SEC24A: variants seen among roughly 807,000 people sequenced by gnomAD.
SEC24A encodes protein transport protein Sec24A.
SEC24A carries 93 observed loss-of-function variants against 129.4 expected under a neutral mutation model. The ratio of observed to expected loss-of-function variants is 0.72; its 90% CI spans 0.61 to 0.85. The LOEUF is 0.85. Ranked by LOEUF, SEC24A falls within the 40% of genes least tolerant of loss-of-function variation. SEC24A has a pLI of 0.00. For synonymous variants in SEC24A, 460 were observed against 467.3 expected (o/e 0.98, Z 0.20); for missense variants, 1,264 against 1,307.4 (o/e 0.97, Z 0.51).
At chr5:134,677,460 C>T (rs1009045483) in intron 7 of SEC24A, among the ~76,000 whole-genome samples, 10 of 150,420 alleles carry the variant, frequency 6.6e-5, no homozygotes, top group Admixed American at 5.3e-4. Flanking sequence ...ATTTTATTGC[C>T]TGTATTGATT....
intron 6 of SEC24A, 122 bp from the exon 7 acceptor site, chr5:134,675,899 CTA>C (rs1751042427): frequency 9.9e-6 from 6 of 607,558 alleles, no homozygotes; most frequent in South Asian, 8.4e-5. Flanking sequence ...TTTTGAGACT[CTA>C]TTGAAATATT....
intron 11 of SEC24A, among the ~76,000 whole-genome samples, chr5:134,690,463 G>C (rs879011017): frequency 1.3e-5 from 2 of 152,090 alleles, no homozygotes; most frequent in Non-Finnish European, 2.9e-5. Context: ...ACAGGCACAC[G>C]CTACCACGCC....
In SEC24A at chr5:134,656,122, G is replaced by GCA. The variant is rs1750235193; in HGVS notation, c.98-4996_98-4995insAC. Among the ~76,000 whole-genome samples, 3 of 137,426 alleles carry GCA rather than the reference G, an allele frequency of 2.2e-5. No homozygotes were observed. The Admixed American group carries it at 2.4e-4, about 11-fold the overall frequency. The allele number at this position is 137,426 out of a possible 152,430, so 90.2% of individuals were successfully genotyped here. A position where few individuals can be genotyped will look rare whatever the true frequency, so the allele number is the denominator to read the frequency against. On this transcript the variant is annotated intron_variant, in intron 1 of 22. Transcript: ENST00000398844. Reference sequence around the variant, plus strand: ...TTTTAAGACAGAGTCTTGCTCTGTTGCCCAGGCTGGAGTGAGGTGGCACGA... The same window carrying GCA: ...TTTTAAGACAGAGTCTTGCTCTGTTGCACCCAGGCTGGAGTGAGGTGGCACGA...
intron 11 of SEC24A, among the ~76,000 whole-genome samples, chr5:134,690,078 G>A (rs987690653): frequency 8.5e-5 from 13 of 152,186 alleles, no homozygotes; most frequent in African/African-American, 2.4e-4. Flanking sequence ...GAGCGCAATG[G>A]CGCCATCTCG....
At chr5:134,654,885 T>G (rs1750187099) in intron 1 of SEC24A, among the ~76,000 whole-genome samples, 1 of 152,058 alleles carries the variant, frequency 6.6e-6, no homozygotes, top group Non-Finnish European at 1.5e-5. Context: ...CTTGTCTAAT[T>G]TTTTTGTGTC....
intron 16 of SEC24A, among the ~76,000 whole-genome samples, chr5:134,705,017 A>G (rs1005941146): frequency 5.4e-5 from 8 of 149,480 alleles, no homozygotes; most frequent in East Asian, 3.9e-4. Context: ...TCTGCTTACT[A>G]TGTAACTATA....
intron 20 of SEC24A, among the ~76,000 whole-genome samples, chr5:134,718,479 G>C (rs1400361148): frequency 6.6e-6 from 1 of 151,888 alleles, no homozygotes; most frequent in Non-Finnish European, 1.5e-5. Context: ...TCCTTGAGGA[G>C]GTATTCTAAA....
chr5:134,652,548 A>C (rs1475394103), intron 1 of SEC24A, among the ~76,000 whole-genome samples: 2 of 151,650 alleles, frequency 1.3e-5, no homozygotes, highest in Admixed American at 1.3e-4. Context: ...GGCCTACTAA[A>C]GTGCCGGGAT....
chr5:134,727,529 T>C lies in SEC24A; in HGVS notation c.*2435T>C, dbSNP rs1752783356. 6.6e-6 allele frequency: 1 copy of C among 152,626 alleles called. No individual in the cohort carries two copies. Among genetic ancestry groups the C allele is most frequent in the South Asian group, 2.1e-4 (1 of 4,834 alleles). 9.5% of individuals were successfully genotyped at this position (152,626 alleles called of 1,614,324 possible). A position where few individuals can be genotyped will look rare whatever the true frequency, so the allele number is the denominator to read the frequency against. Reference sequence around the variant, plus strand: ...ATAGACTGTTTTGCAATAATTAGAATAAAGATTTATTTCTTCTAATCAAAG... The same window carrying C: ...ATAGACTGTTTTGCAATAATTAGAACAAAGATTTATTTCTTCTAATCAAAG... On this transcript the variant is annotated 3_prime_UTR_variant, in exon 23 of 23. Transcript: ENST00000398844.
At chr5:134,672,421 C>T (rs1289650225) in intron 4 of SEC24A, among the ~76,000 whole-genome samples, 1 of 152,170 alleles carries the variant, frequency 6.6e-6, no homozygotes, top group Non-Finnish European at 1.5e-5. Flanking sequence ...CTCCTGACCT[C>T]AAGTGATCTG....
intron 1 of SEC24A, among the ~76,000 whole-genome samples, chr5:134,654,144 G>A (rs1750158987): frequency 6.6e-6 from 1 of 151,180 alleles, no homozygotes; most frequent in Admixed American, 6.6e-5. Flanking sequence ...GGGCAACAGA[G>A]TGAGAACCTG....
In SEC24A at chr5:134,708,871, T is replaced by G. The variant is rs1752241386; in HGVS notation, c.2710T>G (p.Leu904Val). 1.2e-6 allele frequency: 2 copies of G among 1,613,562 alleles called. No homozygotes were observed. Among genetic ancestry groups the G allele is most frequent in the South Asian group, 1.1e-5 (1 of 91,046 alleles). Residue 904 changes from leucine (L) to valine (V), a missense_variant, in exon 18 of 23, where the codon TTG becomes GTG. By Grantham distance (32) the Leu-to-Val change is conservative. Transcript: ENST00000398844. ...FSLRLFPLFV[L>V]ALLKQKSFQT... ...TTTGCGGCTTTTCCCACTTTTTGTG[T>G]TGGCTCTCCTTAAACAGGTAAGAAA...
At chr5:134,718,786 A>G (rs1389517193) in intron 20 of SEC24A, among the ~76,000 whole-genome samples, 2 of 152,124 alleles carry the variant, frequency 1.3e-5, no homozygotes, top group African/African-American at 2.4e-5. Flanking sequence ...CGCCTGACCA[A>G]CATGGTGAAA....
intron 18 of SEC24A, among the ~76,000 whole-genome samples, chr5:134,709,670 A>G (rs1752263571): frequency 6.6e-6 from 1 of 152,182 alleles, no homozygotes; most frequent in South Asian, 2.1e-4. Flanking sequence ...GTTAGGAGGA[A>G]TAAGTGATAA....
intron 1 of SEC24A, among the ~76,000 whole-genome samples, chr5:134,650,581 C>T (rs1291667015): frequency 6.6e-6 from 1 of 150,854 alleles, no homozygotes; most frequent in Non-Finnish European, 1.5e-5. Flanking sequence ...GTTGCCCAGG[C>T]TGGAGTGCAG....
At chr5:134,666,700 G>A in intron 2 of SEC24A, 123 bp from the exon 3 acceptor site, 1 of 725,840 alleles carries the variant, frequency 1.4e-6, no homozygotes, top group East Asian at 2.8e-5. Context: ...ACATGTTTCT[G>A]GTAACTCTTT....
At position 134,663,508 on chromosome 5, in the gene SEC24A, G is replaced by A. The variant is rs570328538; in HGVS notation, c.565+1922G>A. Among the ~76,000 whole-genome samples, 50 of 152,194 alleles carry A rather than the reference G, an allele frequency of 3.3e-4. 1 individual carries two copies. The highest frequency in any genetic ancestry group is 4.7e-4 in the Non-Finnish European group (32 of 67,986). On this transcript the variant is annotated intron_variant, in intron 2 of 22. Transcript: ENST00000398844. ...CCAAAGCCACAGTAAAATAGTTTGG[G>A]AAAACATTTATTTAAAAACTATTTA...
Position 134,685,683 on chromosome 5 carries a change from A to G in SEC24A, c.1492-1107A>G, listed in dbSNP as rs115682051. On this transcript the variant is annotated intron_variant, in intron 9 of 22. Transcript: ENST00000398844. ...ATTGAGAACAAATCTTTGGATTTGG[A>G]AGTTTAAAATACAGTCTTGGCCAGG... Among the ~76,000 whole-genome samples, 1,405 of 152,062 alleles carry G rather than the reference A, an allele frequency of 9.2e-3. 16 individuals are homozygous for G. The highest frequency in any genetic ancestry group is 0.032 in the African/African-American group (1,322 of 41,454).
At chr5:134,683,898 A>G (rs1751360452) in intron 9 of SEC24A, among the ~76,000 whole-genome samples, 1 of 152,242 alleles carries the variant, frequency 6.6e-6, no homozygotes. Context: ...ACTTAGTAGT[A>G]GAACTTGCAT....
Sources: gnomAD v4.1 joint callset for allele counts (sites outside exome capture counted in the v4.1 genomes callset) on GRCh38, gnomAD v4.1.1 for gene constraint, MANE v1.5 for transcripts, NCBI Gene and HGNC (gene_info 2026-07-23, HGNC 2026-07-21) for gene names.